Variants in DLG2 observed in about 807,000 individuals in gnomAD.
The protein encoded by DLG2 is disks large homolog 2.
DLG2 carries 45 observed loss-of-function variants against 132.5 expected under a neutral mutation model. The observed-to-expected ratio is 0.34, with a 90% CI of 0.27 to 0.44. DLG2 has a LOEUF of 0.44. DLG2 is among the 20% of genes least tolerant of loss of function. The pLI is 1.00. For synonymous variants in DLG2, 424 were observed against 419.6 expected (o/e 1.01, Z -0.13); for missense variants, 1,045 against 1,196.9 (o/e 0.87, Z 1.87).
intron 4 of DLG2, among the ~76,000 whole-genome samples, chr11:85,273,697 T>C (rs553292093): frequency 4.2e-4 from 64 of 152,322 alleles, no homozygotes; most frequent in African/African-American, 1.5e-3. Context: ...GTCAGTGTGG[T>C]GATTCCTCCA....
intron 3 of DLG2, among the ~76,000 whole-genome samples, chr11:85,373,909 AG>A (rs2085192063): frequency 6.6e-6 from 1 of 152,114 alleles, no homozygotes. Flanking sequence ...AGGATATCTG[AG>A]TTTCAGAGCT....
At chr11:84,226,166 C>T (rs543711740) in intron 8 of DLG2, among the ~76,000 whole-genome samples, 10 of 152,268 alleles carry the variant, frequency 6.6e-5, no homozygotes, top group African/African-American at 2.4e-4. Flanking sequence ...TTTGGTTAGA[C>T]TTCTAACTAA....
At chr11:83,748,799 A>G (rs545253513) in intron 18 of DLG2, among the ~76,000 whole-genome samples, 7 of 152,304 alleles carry the variant, frequency 4.6e-5, no homozygotes, top group Admixed American at 2.0e-4. Flanking sequence ...ATAATTTTTC[A>G]CTTTAGCTCC....
At chr11:85,038,907 C>T (rs1012619429) in intron 6 of DLG2, among the ~76,000 whole-genome samples, 5 of 151,902 alleles carry the variant, frequency 3.3e-5, no homozygotes, top group Non-Finnish European at 4.4e-5. Context: ...TTTTAAAATA[C>T]CTTTTTTTCT....
chr11:84,506,717 A>G (rs1487626034), intron 7 of DLG2, among the ~76,000 whole-genome samples: 1 of 152,224 alleles, frequency 6.6e-6, no homozygotes, highest in South Asian at 2.1e-4. Context: ...TAAAGTAACA[A>G]TACAAAACCA....
At chr11:85,362,555 G>A (rs1156350982) in intron 3 of DLG2, among the ~76,000 whole-genome samples, 1 of 151,786 alleles carries the variant, frequency 6.6e-6, no homozygotes, top group African/African-American at 2.4e-5. Flanking sequence ...CATATCATCA[G>A]TGAGCAGAAA....
intron 18 of DLG2, among the ~76,000 whole-genome samples, chr11:83,715,303 T>C (rs1438342191): frequency 1.3e-5 from 2 of 152,168 alleles, no homozygotes; most frequent in Admixed American, 6.5e-5. Context: ...TATACATAGA[T>C]TGCACTGTGA....
rs968328261 is a variant in DLG2 at position 84,658,193 on chromosome 11, G to A, written c.358-123462C>T. Among the ~76,000 whole-genome samples the A allele has an allele frequency of 2.0e-5, 3 of 152,082 alleles. No individual in the cohort carries two copies. In the East Asian group the frequency reaches 5.8e-4, roughly 29 times the overall value. On this transcript the variant is annotated intron_variant, in intron 6 of 27. Transcript: ENST00000376104. The stretch of plus-strand genomic sequence containing the variant: ...AATTTTGAAATGCCATCTTGGATGG[G>A]AGATGAACTATTTATGTTGAGGGTA...
At chr11:83,694,122 C>T (rs890261735) in intron 18 of DLG2, among the ~76,000 whole-genome samples, 9 of 152,254 alleles carry the variant, frequency 5.9e-5, no homozygotes, top group South Asian at 2.1e-4. Context: ...TAAGCAAAGC[C>T]GTGTCCCCAG....
chr11:83,771,556 C>T (rs890577390), intron 18 of DLG2, among the ~76,000 whole-genome samples: 1 of 152,104 alleles, frequency 6.6e-6, no homozygotes, highest in African/African-American at 2.4e-5. Flanking sequence ...CAAATATGTA[C>T]AGCATGTTAC....
chr11:85,020,917 C>T (rs901251710), intron 6 of DLG2: 10 of 770,142 alleles, frequency 1.3e-5, no homozygotes, highest in Non-Finnish European at 2.2e-5. Flanking sequence ...TCAGCAGGGT[C>T]ATCTGCACCG....
At chr11:85,405,045 A>C (rs1443329762) in intron 3 of DLG2, among the ~76,000 whole-genome samples, 1 of 151,918 alleles carries the variant, frequency 6.6e-6, no homozygotes, top group Non-Finnish European at 1.5e-5. Flanking sequence ...ACAATGGCTA[A>C]TATAGTTTTA....
intron 4 of DLG2, among the ~76,000 whole-genome samples, chr11:85,257,735 T>A (rs2076741128): frequency 1.3e-5 from 2 of 152,202 alleles, no homozygotes; most frequent in Admixed American, 1.3e-4. Context: ...ATACAATGAA[T>A]CTTTCAAAGC....
intron 18 of DLG2, among the ~76,000 whole-genome samples, chr11:83,695,543 G>C (rs2081752949): frequency 6.6e-6 from 1 of 152,074 alleles, no homozygotes; most frequent in Non-Finnish European, 1.5e-5. Context: ...AGGAGCTCGA[G>C]ACCTGTCTAA....
intron 6 of DLG2, among the ~76,000 whole-genome samples, chr11:84,634,818 G>C (rs563062294): frequency 2.6e-5 from 4 of 152,208 alleles, no homozygotes; most frequent in Admixed American, 6.5e-5. Flanking sequence ...TGTCCTACAA[G>C]CATTAAGAGC....
In DLG2 at chr11:84,845,845, A is replaced by T. The variant is rs1015783910; in HGVS notation, c.357+265816T>A. ...GAGATGCACACCAACACACCCAGCT[A>T]ATTTTTGTATTTTTAGTAGAGATAG... On this transcript the variant is annotated intron_variant, in intron 6 of 27. Coordinates refer to ENST00000376104, the MANE Select transcript of DLG2 (RefSeq NM_001142699.3). Among the ~76,000 whole-genome samples the T allele has an allele frequency of 5.5e-4, 83 of 151,748 alleles. 1 individual carries two copies. Among genetic ancestry groups the T allele is most frequent in the African/African-American group, 2.0e-3 (82 of 41,334 alleles).
At chr11:84,275,590 C>T (rs905134966) in intron 7 of DLG2, among the ~76,000 whole-genome samples, 3 of 152,170 alleles carry the variant, frequency 2.0e-5, no homozygotes, top group Non-Finnish European at 4.4e-5. Context: ...CTCCTGACCT[C>T]GTGATCCACC....
At chr11:83,966,680 G>C (rs2090273819) in intron 12 of DLG2, among the ~76,000 whole-genome samples, 1 of 152,030 alleles carries the variant, frequency 6.6e-6, no homozygotes. Context: ...CACACATATA[G>C]ATAATAAAGT....
intron 6 of DLG2, among the ~76,000 whole-genome samples, chr11:84,829,296 C>T (rs1179672331): frequency 6.6e-6 from 1 of 151,618 alleles, no homozygotes; most frequent in Non-Finnish European, 1.5e-5. Context: ...AGCTTTAAGA[C>T]TCATCATACA....
Sources: gnomAD v4.1 joint callset for allele counts (sites outside exome capture counted in the v4.1 genomes callset) on GRCh38, gnomAD v4.1.1 for gene constraint, MANE v1.5 for transcripts, NCBI Gene and HGNC (gene_info 2026-07-23, HGNC 2026-07-21) for gene names.